The following HEATR1 variants were observed in gnomAD, a reference collection of about 807,000 sequenced individuals.
The protein encoded by HEATR1 is HEAT repeat-containing protein 1.
A neutral mutation model predicts 248.2 loss-of-function variants in HEATR1; 77 were observed. The ratio of observed to expected loss-of-function variants is 0.31; its 90% CI spans 0.26 to 0.37. The LOEUF is 0.37. Among genes scored for constraint, HEATR1 ranks in the 10% least tolerant of loss-of-function variants. The pLI is 1.00. For missense variants in HEATR1, 2,420 were observed against 2,504.9 expected, an observed-to-expected ratio of 0.97 and a Z score of 0.72; for synonymous variants, 897 against 923.1, an observed-to-expected ratio of 0.97 and a Z score of 0.51.
At position 236,593,973 on chromosome 1, in the gene HEATR1, A is replaced by C. The variant is rs767612356; in HGVS notation, c.1193+39T>G. The stretch of plus-strand genomic sequence containing the variant: ...ATCTTGAAAATTATACTGAGTCACA[A>C]AAATGTAAATCAAAAGCATGTCAAA... On this transcript the variant is annotated intron_variant, in intron 9 of 44. Transcript: ENST00000366582. The C allele has an allele frequency of 2.2e-6, 3 of 1,364,154 alleles. No individual in the cohort carries two copies. The Admixed American group carries it at 6.3e-5, about 29-fold the overall frequency. The allele number at this position is 1,364,154 out of a possible 1,614,324, so 84.5% of individuals were successfully genotyped here.
At chr1:236,567,923 C>A (rs1259768567) in intron 29 of HEATR1, among the ~76,000 whole-genome samples, 1 of 152,208 alleles carries the variant, frequency 6.6e-6, no homozygotes, top group Non-Finnish European at 1.5e-5. Flanking sequence ...AAAGTTTGAA[C>A]CATTTTACTC....
At chr1:236,557,587 C>A (rs555329386) in intron 36 of HEATR1, among the ~76,000 whole-genome samples, 1 of 152,356 alleles carries the variant, frequency 6.6e-6, no homozygotes, top group Admixed American at 6.5e-5. Flanking sequence ...TGAACACTTA[C>A]TATGTGTCAG....
At chr1:236,565,439 CCA>C (rs1663244906) in intron 31 of HEATR1, among the ~76,000 whole-genome samples, 1 of 152,204 alleles carries the variant, frequency 6.6e-6, no homozygotes, top group Non-Finnish European at 1.5e-5. Context: ...CAGGCTAACA[CCA>C]TCACACCTGG....
chr1:236,561,132 A>G (rs374826554), intron 33 of HEATR1, 93 bp downstream of exon 33: 1 of 905,084 alleles, frequency 1.1e-6, no homozygotes, highest in Non-Finnish European at 1.8e-6. Flanking sequence ...CTGGTTGTAA[A>G]GAGTATATGA....
intron 33 of HEATR1, among the ~76,000 whole-genome samples, chr1:236,560,673 C>T (rs1026785056): frequency 6.6e-6 from 1 of 152,166 alleles, no homozygotes; most frequent in African/African-American, 2.4e-5. Flanking sequence ...AGGAGGTACA[C>T]AGCAAGGCCA....
At chr1:236,570,202 TG>T (rs1663388171) in intron 28 of HEATR1, among the ~76,000 whole-genome samples, 2 of 152,268 alleles carry the variant, frequency 1.3e-5, no homozygotes, top group African/African-American at 4.8e-5. Flanking sequence ...GGCAGGAGAA[TG>T]GCATGAACCC....
intron 42 of HEATR1, 135 bp from the exon 43 acceptor site, chr1:236,553,874 C>T (rs1414617066): frequency 1.2e-6 from 1 of 843,806 alleles, no homozygotes; most frequent in Non-Finnish European, 1.8e-6. Context: ...TATTCTAATA[C>T]TCTCTAGGGC....
In HEATR1 at chr1:236,555,908, T is replaced by C; in HGVS notation, c.5546A>G (p.Gln1849Arg). The C allele has an allele frequency of 6.2e-7, 1 of 1,613,780 alleles. No individual in the cohort carries two copies. Among genetic ancestry groups the C allele is most frequent in the South Asian group, 1.1e-5 (1 of 91,078 alleles). The change falls in exon 39 of 45, where the codon CAA becomes CGA. Residue 1849 changes from glutamine to arginine, a missense_variant. Physicochemically the swap from Gln to Arg is conservative, Grantham distance 43. Transcript: ENST00000366582. ...NHMGPFMSILQEHIGVMKKEE... is the reference protein window; with the variant it reads ...NHMGPFMSILREHIGVMKKEE... The stretch of plus-strand genomic sequence containing the variant: ...CTTCTTCATCACCCCAATATGCTCT[T>C]GCAAGATGCTCATAAACGGACCCAT...
intron 28 of HEATR1, among the ~76,000 whole-genome samples, chr1:236,570,015 A>G (rs745652966): frequency 1.8e-4 from 28 of 152,170 alleles, no homozygotes; most frequent in African/African-American, 4.3e-4. Flanking sequence ...GCAGCCGGGC[A>G]CGGTGGCTCA....
intron 3 of HEATR1, among the ~76,000 whole-genome samples, chr1:236,599,864 A>T (rs1664271024): frequency 2.0e-5 from 3 of 152,194 alleles, no homozygotes; most frequent in Admixed American, 6.5e-5. Flanking sequence ...ATCAAAATAT[A>T]CATCCCATTA....
At chr1:236,580,295 TTTTGTTTTTGTTAGCTCATTATTAAA>T (rs1663678779) in intron 20 of HEATR1, among the ~76,000 whole-genome samples, 1 of 151,964 alleles carries the variant, frequency 6.6e-6, no homozygotes, top group Non-Finnish European at 1.5e-5. Flanking sequence ...TGCAGGAGGG[TTTTGTTTTTGTTAGCTCATTATTAAA>T]TTGTATTATG....
In HEATR1 at chr1:236,569,432, C is replaced by T. The variant is rs958315127; in HGVS notation, c.3949-308G>A. On this transcript the variant is annotated intron_variant, in intron 28 of 44. Transcript: ENST00000366582. ...TCCCAGGCTGGTCTTGAACTCCTGG[C>T]CACAAGTGATATTCCTGCTCAGGCT... 2.0e-5 allele frequency among the ~76,000 whole-genome samples: 3 copies of T among 152,234 alleles called. No homozygotes were observed. The South Asian group carries it at 6.2e-4, about 32-fold the overall frequency.
chr1:236,601,905 G>A (rs555334154), intron 3 of HEATR1, among the ~76,000 whole-genome samples: 6 of 151,732 alleles, frequency 4.0e-5, no homozygotes, highest in African/African-American at 1.5e-4. Context: ...GCTAAGACGA[G>A]TGGATCACGA....
chr1:236,574,477 T>A (rs1051933828), intron 23 of HEATR1, 144 bp from the exon 24 acceptor site: 2 of 1,207,054 alleles, frequency 1.7e-6, no homozygotes, highest in Admixed American at 5.1e-5. Flanking sequence ...TAATGACCCA[T>A]GTACAACGTT....
rs766362025 is a variant in HEATR1 at position 236,555,968 on chromosome 1, C to A, written c.5515-29G>T. The stretch of plus-strand genomic sequence containing the variant: ...CCAATAACACAGGAAAGAGATGTGC[C>A]ATTTTCAAATGATTCCTAGAGTTCA... On this transcript the variant is annotated intron_variant, in intron 38 of 44. Transcript: ENST00000366582. The A allele has an allele frequency of 4.3e-6, 7 of 1,612,046 alleles. No homozygotes were observed. In the South Asian group the frequency reaches 7.7e-5, roughly 18 times the overall value.
intron 29 of HEATR1, among the ~76,000 whole-genome samples, chr1:236,568,715 AAG>A (rs1487839719): frequency 6.6e-6 from 1 of 152,146 alleles, no homozygotes; most frequent in African/African-American, 2.4e-5. Flanking sequence ...GAATGATGTT[AAG>A]ACACTTACAG....
At chr1:236,568,636 A>C (rs1663335765) in intron 29 of HEATR1, among the ~76,000 whole-genome samples, 1 of 152,202 alleles carries the variant, frequency 6.6e-6, no homozygotes, top group Admixed American at 6.5e-5. Flanking sequence ...CCTCATCAAC[A>C]TGTAAGAAGG....
rs2794763 is a variant in HEATR1 at position 236,586,349 on chromosome 1, T to C, written c.1819A>G (p.Met607Val). The change falls in exon 15 of 45, where the codon ATG (methionine) becomes GTG (valine). Residue 607 changes from methionine to valine, a missense_variant. Physicochemically the swap from Met to Val is conservative, Grantham distance 21. Coordinates refer to ENST00000366582, the MANE Select transcript of HEATR1 (RefSeq NM_018072.6). ...NQVVVCLLPF[M>V]VINNDDTESA... ...TCCGTATCATCATTATTGATAACCA[T>C]AAATGGCAGCAAACATACAACCACC... 960,936 of 1,612,144 alleles carry C rather than the reference T, an allele frequency of 0.6. 300,273 individuals carry two copies. Among genetic ancestry groups the C allele is most frequent in the Non-Finnish European group, 0.65 (762,258 of 1,178,484 alleles).
chr1:236,602,665 C>G (rs1259387345), intron 3 of HEATR1, among the ~76,000 whole-genome samples: 1 of 152,192 alleles, frequency 6.6e-6, no homozygotes, highest in Admixed American at 6.5e-5. Flanking sequence ...TGGCTCACAC[C>G]TGTAATCCCA....
Sources: gnomAD v4.1 joint callset for allele counts (sites outside exome capture counted in the v4.1 genomes callset) on GRCh38, gnomAD v4.1.1 for gene constraint, MANE v1.5 for transcripts, NCBI Gene and HGNC (gene_info 2026-07-23, HGNC 2026-07-21) for gene names.